Variants in PADI4 observed in about 807,000 individuals in gnomAD.
The protein encoded by PADI4 is peptidyl arginine deiminase 4, also known as protein-arginine deiminase type-4.
PADI4 carries 62 observed loss-of-function variants against 75.0 expected under a neutral mutation model. The ratio of observed to expected loss-of-function variants is 0.83; its 90% CI spans 0.67 to 1.02. The LOEUF (loss-of-function observed/expected upper bound fraction) is 1.02. Among genes scored for constraint, PADI4 ranks in the 50% least tolerant of loss-of-function variants. The pLI is 0.00. For missense variants in PADI4, 845 were observed against 850.5 expected (o/e 0.99, Z 0.08); for synonymous variants, 361 against 348.1 (o/e 1.04, Z -0.41).
At chr1:17,324,005 T>C (rs1027229744) in intron 1 of PADI4, among the ~76,000 whole-genome samples, 1 of 152,192 alleles carries the variant, frequency 6.6e-6, no homozygotes, top group African/African-American at 2.4e-5. Context: ...TTAGACCATG[T>C]TTCATTGTTC....
At chr1:17,348,326 C>T (rs12746451) in intron 10 of PADI4, 23,825 of 283,278 alleles carry the variant, frequency 0.084, 1,243 homozygotes, top group African/African-American at 0.16. Flanking sequence ...TTGGACCTCC[C>T]TGTGCTCTTG....
At position 17,331,014 on chromosome 1, in the gene PADI4, A is replaced by T; in HGVS notation, c.138A>T (p.Pro46=). 6.2e-7 allele frequency: 1 copy of T among 1,604,770 alleles called. No homozygotes were observed. Among genetic ancestry groups the T allele is most frequent in the Non-Finnish European group, 8.5e-7 (1 of 1,175,964 alleles). The part of the protein sequence containing the change: ...DCTSFSINAS[P]GVVVDIAHGP... Reference sequence around the variant, plus strand: ...CGTCCTTCAGCATCAACGCCTCCCCAGGGGTGGTCGTGGATATTGCCCACG... The same window carrying T: ...CGTCCTTCAGCATCAACGCCTCCCCTGGGGTGGTCGTGGATATTGCCCACG... Residue 46 remains proline, a synonymous_variant, in exon 2 of 16, where the codon CCA becomes CCT. Transcript: ENST00000375448.
chr1:17,317,393 T>C (rs1451835584), intron 1 of PADI4, among the ~76,000 whole-genome samples: 3 of 152,100 alleles, frequency 2.0e-5, no homozygotes, highest in Admixed American at 6.6e-5. Context: ...CTCAGCCTCC[T>C]GAGTAGCTGG....
chr1:17,323,239 G>A (rs2074061423), intron 1 of PADI4, among the ~76,000 whole-genome samples: 1 of 151,882 alleles, frequency 6.6e-6, no homozygotes, highest in Non-Finnish European at 1.5e-5. Flanking sequence ...GGTGAGCAAG[G>A]CAAGAGACAG....
chr1:17,333,996 C>T lies in PADI4; in HGVS notation c.327C>T (p.Tyr109=), dbSNP rs555587341. The change falls in exon 3 of 16, where the codon TAC becomes TAT. Residue 109 remains tyrosine, a synonymous_variant. Transcript: ENST00000375448. The part of the protein sequence containing the change: ...PKTPPVKALL[Y]LTGVEISLCA... ...CTCCACCAGTCAAAGCTCTACTCTA[C>T]CTCACCGGGGTGGGTAAGTGACAAC... 4.3e-6 allele frequency: 7 copies of T among 1,611,442 alleles called. No homozygotes were observed. Among genetic ancestry groups the T allele is most frequent in the Admixed American group, 1.7e-5 (1 of 60,010 alleles).
At chr1:17,322,485 T>TC (rs34016518) in intron 1 of PADI4, among the ~76,000 whole-genome samples, 74,916 of 126,366 alleles carry the variant, frequency 0.59, 18,896 homozygotes, top group East Asian at 0.68. Context: ...TGAGACTCCA[T>TC]CCCCCCCCAA....
chr1:17,336,547 T>C (rs2074314895), intron 4 of PADI4, among the ~76,000 whole-genome samples: 1 of 152,166 alleles, frequency 6.6e-6, no homozygotes, highest in Non-Finnish European at 1.5e-5. Context: ...CTCCATGCTC[T>C]ACAGCTGATA....
intron 1 of PADI4, among the ~76,000 whole-genome samples, chr1:17,329,423 C>G (rs1394632874): frequency 6.6e-6 from 1 of 151,896 alleles, no homozygotes; most frequent in African/African-American, 2.4e-5. Context: ...GTAACATAAA[C>G]AGTTGATTAA....
chr1:17,338,902 A>G (rs956574452), intron 5 of PADI4, among the ~76,000 whole-genome samples: 1 of 152,180 alleles, frequency 6.6e-6, no homozygotes, highest in Admixed American at 6.5e-5. Context: ...AGTTGCATGT[A>G]GTTGGCCTGG....
intron 5 of PADI4, among the ~76,000 whole-genome samples, chr1:17,338,680 G>A (rs1635581): frequency 0.64 from 96,951 of 152,038 alleles, 31,127 homozygotes; most frequent in Non-Finnish European, 0.67. Flanking sequence ...TTTGAACCCC[G>A]GACGTCCCAA....
chr1:17,348,992 A>T (rs1369807528), intron 10 of PADI4, among the ~76,000 whole-genome samples: 1 of 152,240 alleles, frequency 6.6e-6, no homozygotes, highest in Non-Finnish European at 1.5e-5. Context: ...GGCCCTGCCC[A>T]CACAGAAGGC....
At chr1:17,338,437 C>G (rs1248074080) in intron 5 of PADI4, among the ~76,000 whole-genome samples, 1 of 152,184 alleles carries the variant, frequency 6.6e-6, no homozygotes, top group Non-Finnish European at 1.5e-5. Flanking sequence ...CCTAAACGCT[C>G]TTAGGTCAAA....
At chr1:17,342,754 C>A (rs1380545441) in intron 8 of PADI4, among the ~76,000 whole-genome samples, 8 of 152,190 alleles carry the variant, frequency 5.3e-5, no homozygotes, top group Non-Finnish European at 1.0e-4. Flanking sequence ...GCAGGTGGAT[C>A]ACTTAAGGTC....
chr1:17,336,055 G>A (rs1007616853), intron 3 of PADI4, 104 bp from the exon 4 acceptor site: 15 of 750,502 alleles, frequency 2.0e-5, no homozygotes, highest in Admixed American at 1.0e-4. Flanking sequence ...CACACTATGG[G>A]TGCACACAGT....
Position 17,351,609 on chromosome 1 carries a change from CAAAA to C in PADI4, c.1156-2904_1156-2901del, listed in dbSNP as rs56047360. 7.5e-3 allele frequency among the ~76,000 whole-genome samples: 730 copies of C among 97,972 alleles called. 1 individual carries two copies. The highest frequency in any genetic ancestry group is 9.0e-3 in the Non-Finnish European group (468 of 51,968). 64.3% of individuals were successfully genotyped at this position (97,972 alleles called of 152,430 possible). ...GGGCAATAGGAGTAAGACCTGGTCT[CAAAA>C]AAAAAAAAAAAAAAAAAAAGATTGC... On this transcript the variant is annotated intron_variant, in intron 10 of 15. Coordinates refer to ENST00000375448, the MANE Select transcript of PADI4 (RefSeq NM_012387.3).
chr1:17,334,422 C>T (rs916429489), intron 3 of PADI4: 3 of 460,562 alleles, frequency 6.5e-6, no homozygotes, highest in South Asian at 4.7e-5. Context: ...CCTGCTTCAG[C>T]GTCCCTAGTA....
chr1:17,353,953 A>C (rs971989320), intron 10 of PADI4, among the ~76,000 whole-genome samples: 7 of 152,114 alleles, frequency 4.6e-5, no homozygotes, highest in Non-Finnish European at 8.8e-5. Context: ...TAAGAGAATA[A>C]ATGTGGCTGG....
chr1:17,324,595 G>C (rs773192265), intron 1 of PADI4, among the ~76,000 whole-genome samples: 1 of 152,164 alleles, frequency 6.6e-6, no homozygotes, highest in South Asian at 2.1e-4. Context: ...GCCTCCCAAA[G>C]CACTGGGATT....
chr1:17,338,750 C>A (rs2074362576), intron 5 of PADI4, among the ~76,000 whole-genome samples: 1 of 152,186 alleles, frequency 6.6e-6, no homozygotes, highest in African/African-American at 2.4e-5. Context: ...TGCAGGCAAA[C>A]CTCTGGGCTG....
Sources: allele counts gnomAD v4.1 joint callset (sites outside exome capture counted in the v4.1 genomes callset), GRCh38; gene constraint gnomAD v4.1.1; transcripts MANE v1.5; gene names NCBI Gene and HGNC (gene_info 2026-07-23, HGNC 2026-07-21).